CAMTA1: variants seen among roughly 807,000 people sequenced by gnomAD.
CAMTA1 encodes the protein calmodulin-binding transcription activator 1.
A neutral mutation model predicts 170.9 loss-of-function variants in CAMTA1; 27 were observed. That is an observed-to-expected ratio of 0.16 (90% CI 0.12 to 0.22). CAMTA1 has a LOEUF of 0.22. Ranked by LOEUF, CAMTA1 falls within the 10% of genes least tolerant of loss-of-function variation. The probability of loss-of-function intolerance (pLI) is 1.00; values close to 1 mark genes in which losing one functional copy is unlikely to be tolerated. For missense variants in CAMTA1, 1,619 were observed against 2,217.2 expected (o/e 0.73, Z 5.42); for synonymous variants, 833 against 891.5 (o/e 0.93, Z 1.17).
intron 6 of CAMTA1, among the ~76,000 whole-genome samples, chr1:7,511,608 G>T (rs2094202697): frequency 2.6e-5 from 4 of 152,138 alleles, no homozygotes; most frequent in Non-Finnish European, 5.9e-5. Context: ...GGGTCCAGCA[G>T]AAGGGAAGGA....
At chr1:7,156,394 TGA>T (rs1646888590) in intron 4 of CAMTA1, among the ~76,000 whole-genome samples, 1 of 151,804 alleles carries the variant, frequency 6.6e-6, no homozygotes, top group African/African-American at 2.4e-5. Flanking sequence ...GGCAGGACAG[TGA>T]GAGAGACATG....
intron 5 of CAMTA1, among the ~76,000 whole-genome samples, chr1:7,284,131 T>TCTC (rs1330083507): frequency 1.8e-5 from 1 of 54,736 alleles, no homozygotes; most frequent in African/African-American, 7.1e-5. Context: ...CTGCTGTTCT[T>TCTC]CTTCTTCTTC....
intron 5 of CAMTA1, among the ~76,000 whole-genome samples, chr1:7,377,657 C>T (rs1332571824): frequency 6.6e-6 from 1 of 152,198 alleles, no homozygotes; most frequent in East Asian, 1.9e-4. Flanking sequence ...CCACCATCTG[C>T]TTTTAAAAAT....
chr1:7,751,171 G>A, intron 19 of CAMTA1, 28 bp from the exon 20 acceptor site: 1 of 1,543,116 alleles, frequency 6.5e-7, no homozygotes, highest in Non-Finnish European at 8.7e-7. Context: ...TGTTGTTACT[G>A]TGTCGCTTGT....
intron 5 of CAMTA1, among the ~76,000 whole-genome samples, chr1:7,454,324 A>C (rs951307787): frequency 6.6e-6 from 1 of 152,212 alleles, no homozygotes; most frequent in Non-Finnish European, 1.5e-5. Context: ...GGCAGGGGAC[A>C]GAGTGCCCCG....
In CAMTA1 at chr1:7,747,758, C is replaced by T. The variant is rs780091964; in HGVS notation, c.4666C>T (p.Arg1556Cys). The T allele has an allele frequency of 6.8e-6, 11 of 1,612,322 alleles. No individual in the cohort carries two copies. The highest frequency in any genetic ancestry group is 8.5e-6 in the Non-Finnish European group (10 of 1,179,314). ...AGAAGTAGCTGCTGCTGTTATTCAG[C>T]GTTGTTACAGAAAATATAAACAGGT... Reference protein sequence around the residue: ...QQEVAAAVIQRCYRKYKQYAL... With the variant: ...QQEVAAAVIQCCYRKYKQYAL... Residue 1556 changes from arginine (R) to cysteine (C), a missense_variant, in exon 19 of 23, where the codon CGT (arginine) becomes TGT (cysteine). This residue lies in a region of CAMTA1 where 128 missense variants were observed against 213.5 expected (regional missense o/e 0.60). Coordinates refer to ENST00000303635, the MANE Select transcript of CAMTA1 (RefSeq NM_015215.4).
At chr1:7,075,951 C>T (rs1377391392) in intron 3 of CAMTA1, among the ~76,000 whole-genome samples, 2 of 152,188 alleles carry the variant, frequency 1.3e-5, no homozygotes, top group Non-Finnish European at 2.9e-5. Flanking sequence ...GTGTAAACCA[C>T]CACGCCCGGC....
intron 11 of CAMTA1, among the ~76,000 whole-genome samples, chr1:7,704,244 C>T (rs2096478569): frequency 6.8e-6 from 1 of 146,512 alleles, no homozygotes; most frequent in South Asian, 2.1e-4. Context: ...CGGGCGGCCC[C>T]GACGGCGCGG....
At chr1:7,549,045 GC>G (rs2094758361) in intron 6 of CAMTA1, among the ~76,000 whole-genome samples, 1 of 135,578 alleles carries the variant, frequency 7.4e-6, no homozygotes, top group Non-Finnish European at 1.6e-5. Context: ...CATGGAAGGT[GC>G]CCCCTTAGGG....
At position 7,737,483 on chromosome 1, in the gene CAMTA1, G is replaced by A. The variant is rs1478450902; in HGVS notation, c.3571G>A (p.Glu1191Lys). The A allele has an allele frequency of 6.2e-7, 1 of 1,614,070 alleles. No homozygotes were observed. Among genetic ancestry groups the A allele is most frequent in the Non-Finnish European group, 8.5e-7 (1 of 1,180,052 alleles). ...TCCTGCAAGCGAAGAGCCCAGCACA[G>A]AGAGCTGGATGGCCCAGTGGCACAG... is the stretch of plus-strand genomic sequence containing the variant. ...HCPASEEPST[E>K]SWMAQWHSEA... The change falls in exon 15 of 23, where the codon GAG becomes AAG. Residue 1191 changes from glutamate (E) to lysine (K), a missense_variant. Around this residue, in one of 8 missense-constraint regions of CAMTA1, gnomAD observed 370 missense variants for 429.4 expected, o/e 0.86. Coordinates refer to ENST00000303635, the MANE Select transcript of CAMTA1 (RefSeq NM_015215.4).
intron 5 of CAMTA1, among the ~76,000 whole-genome samples, chr1:7,466,172 C>T (rs2093206655): frequency 6.6e-6 from 1 of 152,198 alleles, no homozygotes; most frequent in Non-Finnish European, 1.5e-5. Flanking sequence ...AGACATGCGT[C>T]TCCTTCGGCA....
chr1:6,937,588 T>C (rs1467291806), intron 3 of CAMTA1, among the ~76,000 whole-genome samples: 3 of 38,590 alleles, frequency 7.8e-5, no homozygotes, highest in Non-Finnish European at 1.0e-4. Flanking sequence ...ACCACCATCG[T>C]CACCATCACC....
chr1:7,597,988 G>T (rs1172395529), intron 6 of CAMTA1, among the ~76,000 whole-genome samples: 4 of 151,290 alleles, frequency 2.6e-5, no homozygotes, highest in African/African-American at 9.7e-5. Context: ...ACAATGTGCA[G>T]GTTTGTTACA....
chr1:7,311,325 C>T (rs148685115), intron 5 of CAMTA1, among the ~76,000 whole-genome samples: 12 of 152,206 alleles, frequency 7.9e-5, no homozygotes, highest in Non-Finnish European at 1.5e-4. Context: ...CTCTCTTATT[C>T]AGATTGGATA....
At chr1:7,181,770 T>G (rs2148891021) in intron 4 of CAMTA1, among the ~76,000 whole-genome samples, 1 of 83,172 alleles carries the variant, frequency 1.2e-5, no homozygotes, top group East Asian at 2.7e-4. Flanking sequence ...TTTAACATCA[T>G]AAAAAAGTTT....
intron 1 of CAMTA1, among the ~76,000 whole-genome samples, chr1:6,789,804 C>CTTTTTTTTTTTTTTT (rs34542033): frequency 1.2e-5 from 1 of 85,662 alleles, no homozygotes; most frequent in Admixed American, 1.1e-4. Flanking sequence ...TTTAGTGTAT[C>CTTTTTTTTTTTTTTT]TTTTTTTTTT....
intron 6 of CAMTA1, 141 bp from the exon 7 acceptor site, chr1:7,640,258 CT>C: frequency 1.2e-6 from 1 of 853,082 alleles, no homozygotes; most frequent in South Asian, 1.6e-5. Context: ...AACCATCTGG[CT>C]GCAACCGTCA....
At chr1:6,907,215 C>T (rs150528145) in intron 3 of CAMTA1, among the ~76,000 whole-genome samples, 24 of 152,122 alleles carry the variant, frequency 1.6e-4, no homozygotes, top group Non-Finnish European at 3.2e-4. Flanking sequence ...TTCTGGAGGC[C>T]GAGCAGCATC....
intron 4 of CAMTA1, among the ~76,000 whole-genome samples, chr1:7,155,484 C>T (rs1394698307): frequency 6.7e-6 from 1 of 150,102 alleles, no homozygotes; most frequent in Admixed American, 6.6e-5. Flanking sequence ...TAGGCCTGAC[C>T]TGTCATTAAC....
Sources: gnomAD v4.1 joint callset for allele counts (sites outside exome capture counted in the v4.1 genomes callset) on GRCh38, gnomAD v4.1.1 for gene constraint, gnomAD v4.1.1 regional missense constraint, MANE v1.5 for transcripts, NCBI Gene and HGNC (gene_info 2026-07-23, HGNC 2026-07-21) for gene names.